CERS4: variants seen among roughly 807,000 people sequenced by gnomAD.
CERS4 encodes the protein ceramide synthase 4.
In CERS4, 65 loss-of-function variants were observed where a neutral mutation model predicts 51.8. The observed-to-expected ratio is 1.26, with a 90% CI of 1.03 to 1.54. The LOEUF is 1.54. CERS4 is among the 40% of genes most tolerant of loss of function. The pLI is 0.00. For synonymous variants in CERS4, 228 were observed against 208.4 expected (o/e 1.09, Z -0.81); for missense variants, 563 against 500.4 (o/e 1.13, Z -1.19).
At chr19:8,256,408 C>A in intron 7 of CERS4, 122 bp downstream of exon 7, 1 of 1,196,968 alleles carries the variant, frequency 8.4e-7, no homozygotes, top group Non-Finnish European at 1.2e-6. Context: ...GTCCCACGCT[C>A]TTTGATTCCT....
chr19:8,256,664 T>C lies in CERS4; in HGVS notation c.566T>C (p.Phe189Ser), dbSNP rs561554601. ...LYWWYLLELG[F>S]YLSLLIRLPF... The stretch of plus-strand genomic sequence containing the variant: ...TGGTGGTACCTCTTGGAGCTGGGTT[T>C]CTACCTCTCACTGCTAATCAGGCTG... The change falls in exon 8 of 12, where the codon TTC becomes TCC. Residue 189 changes from phenylalanine to serine, a missense_variant. Transcript: ENST00000251363. 1.2e-6 allele frequency: 2 copies of C among 1,613,986 alleles called. No individual in the cohort carries two copies. Among genetic ancestry groups the C allele is most frequent in the Non-Finnish European group, 1.7e-6 (2 of 1,179,932 alleles).
intron 2 of CERS4, among the ~76,000 whole-genome samples, chr19:8,222,981 C>T (rs1353268141): frequency 1.3e-5 from 2 of 152,048 alleles, no homozygotes; most frequent in Admixed American, 6.6e-5. Context: ...TCCTGCTACC[C>T]GTTGTGTGTC....
chr19:8,259,752 T>A (rs1244884612), intron 10 of CERS4, among the ~76,000 whole-genome samples: 1 of 152,078 alleles, frequency 6.6e-6, no homozygotes, highest in Admixed American at 6.6e-5. Flanking sequence ...CATGCCAGTC[T>A]GGGCTTCTGG....
rs11666863 is a variant in CERS4, at chr19:8,246,107, C to A, written c.-1-4969C>A. Among the ~76,000 whole-genome samples the A allele has an allele frequency of 8.8e-5, 13 of 148,316 alleles. No individual in the cohort carries two copies. The South Asian group carries it at 1.1e-3, about 12-fold the overall frequency. On this transcript the variant is annotated intron_variant, in intron 2 of 11. Coordinates refer to ENST00000251363, the MANE Select transcript of CERS4 (RefSeq NM_024552.3). ...CTAAACAACAACAACAACAAAAAAA[C>A]AAAAAAACTGGAATGGTTGTTACTT...
chr19:8,224,545 C>T (rs374573983), intron 2 of CERS4, among the ~76,000 whole-genome samples: 1 of 151,980 alleles, frequency 6.6e-6, no homozygotes, highest in East Asian at 1.9e-4. Context: ...TGAACAGAGT[C>T]GTGAAGAGCT....
chr19:8,216,669 A>G (rs1568496389), intron 2 of CERS4, among the ~76,000 whole-genome samples: 2 of 152,044 alleles, frequency 1.3e-5, no homozygotes, highest in Non-Finnish European at 2.9e-5. Context: ...TGTCCAGAAT[A>G]TTGGCTCCAT....
At chr19:8,249,609 T>TTTTTG (rs1968970797) in intron 2 of CERS4, among the ~76,000 whole-genome samples, 2 of 142,902 alleles carry the variant, frequency 1.4e-5, no homozygotes, top group Admixed American at 1.4e-4. Context: ...TTTTTTTTTT[T>TTTTTG]GAGACAGAGT....
chr19:8,255,655 A>ACCCCCCC lies in CERS4; in HGVS notation c.343_344insCCCCCCC (p.Gln115ProfsTer23), dbSNP rs1372829296. The ACCCCCCC allele has an allele frequency of 2.5e-6, 4 of 1,612,850 alleles. No homozygotes were observed. Among genetic ancestry groups the ACCCCCCC allele is most frequent in the Non-Finnish European group, 3.4e-6 (4 of 1,179,958 alleles). On this transcript the variant is annotated frameshift_variant, in exon 5 of 12. Transcript: ENST00000251363. LOFTEE classifies it high-confidence loss of function. ...CCAGTGTGGCCTCACGCTGCAGCAG[A>ACCCCCCC]CCCAGCGATGGTTCCGGAGACGCCG... is the stretch of plus-strand genomic sequence containing the variant.
At chr19:8,237,694 C>CA (rs1054246618) in intron 2 of CERS4, among the ~76,000 whole-genome samples, 1 of 151,780 alleles carries the variant, frequency 6.6e-6, no homozygotes, top group Non-Finnish European at 1.5e-5. Context: ...ACTAAAAATA[C>CA]AAAAAAATTA....
chr19:8,243,428 T>C (rs11666971), intron 2 of CERS4, among the ~76,000 whole-genome samples: 34,986 of 151,246 alleles, frequency 0.23, 4,709 homozygotes, highest in South Asian at 0.38. Flanking sequence ...CACCCAGCTG[T>C]TCATGTGTCT....
At chr19:8,218,421 C>T (rs986535621) in intron 2 of CERS4, among the ~76,000 whole-genome samples, 4 of 152,192 alleles carry the variant, frequency 2.6e-5, no homozygotes, top group African/African-American at 9.6e-5. Flanking sequence ...GCCTGGCATC[C>T]GGGAATGGCA....
intron 2 of CERS4, among the ~76,000 whole-genome samples, chr19:8,221,649 G>A (rs1967547996): frequency 6.7e-6 from 1 of 148,228 alleles, no homozygotes; most frequent in African/African-American, 2.5e-5. Context: ...AGGTTCAAGC[G>A]ATTCTCCTGC....
chr19:8,262,024 C>A lies in CERS4; in HGVS notation c.1100C>A (p.Ala367Asp). The A allele has an allele frequency of 6.3e-7, 1 of 1,577,988 alleles. No individual in the cohort carries two copies. Among genetic ancestry groups the A allele is most frequent in the South Asian group, 1.2e-5 (1 of 85,316 alleles). Reference sequence around the variant, plus strand: ...CCTCTGCAGCTAAAGAACGGGGCAGCTGGAGGGCCCAGGCCAGCCCCCACT... The same window carrying A: ...CCTCTGCAGCTAAAGAACGGGGCAGATGGAGGGCCCAGGCCAGCCCCCACT... The part of the protein sequence containing the change: ...QEPLQLKNGA[A>D]GGPRPAPTDG... Residue 367 changes from alanine (A) to aspartate (D), a missense_variant, in exon 12 of 12, where the codon GCT (alanine) becomes GAT (aspartate). Ala to Asp is a moderately radical substitution (Grantham distance 126). Transcript: ENST00000251363.
chr19:8,253,790 A>G (rs758661454), intron 3 of CERS4, among the ~76,000 whole-genome samples: 6 of 151,976 alleles, frequency 3.9e-5, no homozygotes, highest in Non-Finnish European at 7.4e-5. Context: ...GTGTTTCACC[A>G]TATTGGTCAG....
chr19:8,237,095 C>CA (rs1968302111), intron 2 of CERS4, among the ~76,000 whole-genome samples: 1 of 150,868 alleles, frequency 6.6e-6, no homozygotes, highest in Non-Finnish European at 1.5e-5. Flanking sequence ...TTAGTTCTCT[C>CA]ACAGTTATCT....
chr19:8,243,912 A>G (rs1000773196), intron 2 of CERS4, among the ~76,000 whole-genome samples: 10 of 152,224 alleles, frequency 6.6e-5, no homozygotes, highest in South Asian at 2.1e-4. Context: ...CAGCTCATCC[A>G]TTCTGGTTCA....
intron 2 of CERS4, among the ~76,000 whole-genome samples, chr19:8,212,948 C>T (rs994485356): frequency 3.9e-5 from 6 of 152,010 alleles, no homozygotes; most frequent in South Asian, 4.2e-4. Context: ...GCGCCCAGCC[C>T]GTCTCACTTT....
At position 8,257,905 on chromosome 19, in the gene CERS4, G is replaced by A; in HGVS notation, c.768G>A (p.Gln256=). 2 of 1,613,870 alleles carry A rather than the reference G, an allele frequency of 1.2e-6. No individual in the cohort carries two copies. The highest frequency in any genetic ancestry group is 1.7e-6 in the Non-Finnish European group (2 of 1,179,960). ...CCTGTAAGATGGTCAACTACATGCA[G>A]TATCAGCAAGTGTGCGACGCTCTCT... ...LEACKMVNYM[Q]YQQVCDALFL... The change falls in exon 10 of 12, where the codon CAG becomes CAA. Residue 256 remains glutamine (Q), a synonymous_variant. Coordinates refer to ENST00000251363, the MANE Select transcript of CERS4 (RefSeq NM_024552.3).
rs766955282 is a variant in CERS4 at position 8,255,733 on chromosome 19, C to G, written c.410+8C>G. 1 of 1,612,266 alleles carries G rather than the reference C, an allele frequency of 6.2e-7. No individual in the cohort carries two copies. The highest frequency in any genetic ancestry group is 8.5e-7 in the Non-Finnish European group (1 of 1,179,308). ...GAAGTTCTGTGAGGCCAGGTAAGCC[C>G]AGGATGGGGCTTCTGGGGTGCAGGG... is the stretch of plus-strand genomic sequence containing the variant. On this transcript the variant is annotated splice_region_variant and intron_variant, in intron 5 of 11. Transcript: ENST00000251363.
Sources: gnomAD v4.1 joint callset for allele counts (sites outside exome capture counted in the v4.1 genomes callset) on GRCh38, gnomAD v4.1.1 for gene constraint, MANE v1.5 for transcripts, NCBI Gene and HGNC (gene_info 2026-07-23, HGNC 2026-07-21) for gene names.